Variants in KIF19 observed in about 807,000 individuals in gnomAD.
KIF19 encodes the protein kinesin family member 19, also known as kinesin-like protein KIF19.
Under a neutral mutation model 106.6 loss-of-function variants are expected in KIF19, and 98 were observed. The observed-to-expected ratio is 0.92, with a 90% CI of 0.78 to 1.09. KIF19 has a LOEUF of 1.09. Among genes scored for constraint, KIF19 ranks in the 50% least tolerant of loss-of-function variants. KIF19 has a pLI of 0.00. For synonymous variants in KIF19, 516 were observed against 584.2 expected (o/e 0.88, Z 1.68); for missense variants, 1,373 against 1,414.3 (o/e 0.97, Z 0.47).
chr17:74,332,827 C>T (rs552884463), intron 2 of KIF19, among the ~76,000 whole-genome samples: 247 of 152,354 alleles, frequency 1.6e-3, no homozygotes, highest in Non-Finnish European at 2.5e-3. Flanking sequence ...GGAACCAGAG[C>T]ACCCAGGCTC....
rs748986684 is a variant in KIF19, at chr17:74,354,566, C to T, written c.2706+7C>T. On this transcript the variant is annotated splice_region_variant and intron_variant, in intron 18 of 19. Transcript: ENST00000389916. ...CGAGGTCACCGGGCAAGGGGTGAGG[C>T]GAGGCGCAGGGGTGGGTGTCTAGGC... is the stretch of plus-strand genomic sequence containing the variant. 18 of 1,586,416 alleles carry T rather than the reference C, an allele frequency of 1.1e-5. No individual in the cohort carries two copies. Among genetic ancestry groups the T allele is most frequent in the Middle Eastern group, 2.0e-4 (1 of 5,098 alleles).
chr17:74,332,190 GTGTGTGTGTGTGTGTGTGTT>G (rs1220112441), intron 2 of KIF19, among the ~76,000 whole-genome samples: 16 of 55,680 alleles, frequency 2.9e-4, no homozygotes, highest in African/African-American at 9.6e-4. Context: ...GTGTGTGTGT[GTGTGTGTGTGTGTGTGTGTT>G]TGTGTGTGTG....
intron 3 of KIF19, 126 bp from the exon 4 acceptor site, chr17:74,342,504 C>A: frequency 2.9e-6 from 2 of 701,532 alleles, no homozygotes; most frequent in Non-Finnish European, 2.5e-6. Flanking sequence ...CCCCCCACCC[C>A]CACTTATCTT....
chr17:74,329,364 C>G (rs1330773945), intron 2 of KIF19: 1 of 151,252 alleles, frequency 6.6e-6, no homozygotes, highest in Non-Finnish European at 1.5e-5. Context: ...AGGATAATCG[C>G]TTAAACCCAG....
intron 15 of KIF19, 47 bp from the exon 16 acceptor site, chr17:74,353,149 T>C: frequency 6.7e-7 from 1 of 1,491,844 alleles, no homozygotes; most frequent in South Asian, 1.2e-5. Context: ...GGGACCTCGG[T>C]GAGATAGCCT....
chr17:74,340,849 G>A (rs909776709), intron 2 of KIF19, among the ~76,000 whole-genome samples: 8 of 152,238 alleles, frequency 5.3e-5, no homozygotes, highest in Admixed American at 2.6e-4. Context: ...GGGGTGAGGC[G>A]GAGCAGGCAG....
chr17:74,351,981 C>G lies in KIF19; in HGVS notation c.1702C>G (p.Arg568Gly). Residue 568 changes from arginine (R) to glycine (G), a missense_variant, in exon 13 of 20, where the codon CGC becomes GGC. Physicochemically the swap from Arg to Gly is moderately radical, Grantham distance 125 (BLOSUM62 -2). Around this residue, in one of 3 missense-constraint regions of KIF19, gnomAD observed 1,020 missense variants for 1,008.2 expected, o/e 1.01. Coordinates refer to ENST00000389916, the MANE Select transcript of KIF19 (RefSeq NM_153209.4). The stretch of plus-strand genomic sequence containing the variant: ...GCGCGAGGTGCTCAGCCTGCTGTGC[C>G]GCGTGCACGAGCTCGAGGTGGAGAA... The part of the protein sequence containing the change: ...EQREVLSLLC[R>G]VHELEVENTE... 1 of 1,536,282 alleles carries G rather than the reference C, an allele frequency of 6.5e-7. No homozygotes were observed. The highest frequency in any genetic ancestry group is 8.7e-7 in the Non-Finnish European group (1 of 1,149,096).
rs145463528 is a variant in KIF19, at chr17:74,344,875, C to T, written c.697C>T (p.Arg233Trp). The T allele has an allele frequency of 2.0e-4, 318 of 1,612,670 alleles. No individual in the cohort carries two copies. In the East Asian group the frequency reaches 6.5e-3, roughly 33 times the overall value. Reference protein sequence around the residue: ...VLQVTVRQRSRVKNILQEVRQ... With the variant: ...VLQVTVRQRSWVKNILQEVRQ... Reference sequence around the variant, plus strand: ...GCAGGTGACCGTGCGCCAGCGCAGCCGGGTCAAGAACATCTTGCAGGAGGT... The same window carrying T: ...GCAGGTGACCGTGCGCCAGCGCAGCTGGGTCAAGAACATCTTGCAGGAGGT... The change falls in exon 7 of 20, where the codon CGG (arginine) becomes TGG (tryptophan). Residue 233 changes from arginine (R) to tryptophan (W), a missense_variant. This residue lies in a region of KIF19 where 348 missense variants were observed against 389.5 expected (regional missense o/e 0.89). Coordinates refer to ENST00000389916, the MANE Select transcript of KIF19 (RefSeq NM_153209.4).
chr17:74,329,994 C>A (rs1440471129), intron 2 of KIF19, among the ~76,000 whole-genome samples: 1 of 152,244 alleles, frequency 6.6e-6, no homozygotes, highest in African/African-American at 2.4e-5. Context: ...TACCTCTGGG[C>A]TCCCCAGGGG....
chr17:74,336,752 G>C (rs2144222186), intron 2 of KIF19, among the ~76,000 whole-genome samples: 1 of 152,224 alleles, frequency 6.6e-6, no homozygotes, highest in African/African-American at 2.4e-5. Flanking sequence ...TGAGGCTGTG[G>C]GTAATTTACT....
chr17:74,353,181 C>T lies in KIF19; in HGVS notation c.2115-15C>T, dbSNP rs1475954911. On this transcript the variant is annotated splice_polypyrimidine_tract_variant and intron_variant, in intron 15 of 19. Coordinates refer to ENST00000389916, the MANE Select transcript of KIF19 (RefSeq NM_153209.4). ...GCCTGGTCTACAGCCACTCATCTTC[C>T]TCTGCCAACTTCAGTGAAGGCCACC... 3 of 1,569,656 alleles carry T rather than the reference C, an allele frequency of 1.9e-6. No homozygotes were observed. Among genetic ancestry groups the T allele is most frequent in the Non-Finnish European group, 2.6e-6 (3 of 1,156,262 alleles).
At chr17:74,337,332 C>T (rs983263854) in intron 2 of KIF19, among the ~76,000 whole-genome samples, 1 of 107,516 alleles carries the variant, frequency 9.3e-6, no homozygotes, top group African/African-American at 3.5e-5. Context: ...ACTGCATGTG[C>T]TCACGGGGTG....
At position 74,343,102 on chromosome 17, in the gene KIF19, G is replaced by T; in HGVS notation, c.398G>T (p.Arg133Leu). The T allele has an allele frequency of 6.2e-7, 1 of 1,613,152 alleles. No homozygotes were observed. The change falls in exon 5 of 20, where the codon CGT becomes CTT. Residue 133 changes from arginine to leucine, a missense_variant. By Grantham distance (102) the Arg-to-Leu change is moderately radical. Transcript: ENST00000389916. ...GTTCAGACCCTCAACGACCTCTTCC[G>T]TGCCATCGAGGAGACCAGCAATGAC... The part of the protein sequence containing the change: ...IYVQTLNDLF[R>L]AIEETSNDME...
At chr17:74,332,472 C>T (rs1313636395) in intron 2 of KIF19, among the ~76,000 whole-genome samples, 1 of 152,104 alleles carries the variant, frequency 6.6e-6, no homozygotes, top group Non-Finnish European at 1.5e-5. Flanking sequence ...CCCCATCCCT[C>T]CCAAAGCCTG....
intron 9 of KIF19, 54 bp from the exon 10 acceptor site, chr17:74,349,130 G>A (rs2054615071): frequency 1.2e-6 from 2 of 1,601,838 alleles, no homozygotes; most frequent in Middle Eastern, 1.7e-4. Context: ...GCAGGCCTCG[G>A]TGAGTGCACC....
chr17:74,350,097 C>A (rs763331702), intron 10 of KIF19, among the ~76,000 whole-genome samples: 18 of 152,174 alleles, frequency 1.2e-4, no homozygotes, highest in Non-Finnish European at 2.1e-4. Context: ...CTGTGCCTGG[C>A]CACAGACGGT....
At chr17:74,333,860 T>TCTC (rs2054155549) in intron 2 of KIF19, among the ~76,000 whole-genome samples, 1 of 120,042 alleles carries the variant, frequency 8.3e-6, no homozygotes, top group African/African-American at 3.1e-5. Flanking sequence ...TTTCTTTTTT[T>TCTC]TTCTTTTTTT....
chr17:74,354,914 G>A lies in KIF19; in HGVS notation c.2839G>A (p.Val947Ile). Residue 947 changes from valine (V) to isoleucine (I), a missense_variant, in exon 19 of 20, where the codon GTC becomes ATC. Transcript: ENST00000389916. ...LGKVTLPLAK[V>I]KLPPSQNTGP... The stretch of plus-strand genomic sequence containing the variant: ...AAAGGTCACGCTACCTTTGGCCAAA[G>A]TCAAACTCCCTCCAAGCCAGAACAC... 1.3e-6 allele frequency: 2 copies of A among 1,576,544 alleles called. No individual in the cohort carries two copies. Among genetic ancestry groups the A allele is most frequent in the South Asian group, 1.2e-5 (1 of 85,774 alleles).
intron 2 of KIF19, among the ~76,000 whole-genome samples, chr17:74,336,338 C>T (rs139468160): frequency 2.5e-4 from 38 of 152,272 alleles, no homozygotes; most frequent in African/African-American, 8.9e-4. Context: ...GGATTACAGG[C>T]GTGAGCCACC....
Sources: allele counts gnomAD v4.1 joint callset (sites outside exome capture counted in the v4.1 genomes callset), GRCh38; gene constraint gnomAD v4.1.1; regional missense constraint gnomAD v4.1.1; transcripts MANE v1.5; gene names NCBI Gene and HGNC (gene_info 2026-07-23, HGNC 2026-07-21).